The following AGBL1 variants were observed in gnomAD, a reference collection of about 807,000 sequenced individuals.
AGBL1 encodes the protein cytosolic carboxypeptidase 4.
AGBL1 carries 130 observed loss-of-function variants against 118.9 expected under a neutral mutation model. The observed-to-expected ratio is 1.09, with a 90% CI of 0.95 to 1.26. AGBL1 has a LOEUF of 1.26. AGBL1 is among the 50% of genes most tolerant of loss of function. The pLI is 0.00. For synonymous variants in AGBL1, 555 were observed against 478.9 expected, an observed-to-expected ratio of 1.16 and a Z score of -2.08; for missense variants, 1,584 against 1,298.1, an observed-to-expected ratio of 1.22 and a Z score of -3.38.
chr15:86,866,789 T>A (rs528199337), intron 22 of AGBL1, among the ~76,000 whole-genome samples: 24 of 152,112 alleles, frequency 1.6e-4, no homozygotes, highest in Non-Finnish European at 2.8e-4. Flanking sequence ...GAGGCAGAGG[T>A]TGCAGTGAGC....
intron 17 of AGBL1, among the ~76,000 whole-genome samples, chr15:86,326,301 C>G (rs1047003728): frequency 1.3e-5 from 2 of 152,132 alleles, no homozygotes; most frequent in African/African-American, 4.8e-5. Context: ...ACTTATCAGT[C>G]TACACTAGCC....
rs2142735865 is a variant in AGBL1, at chr15:86,726,181, C to G, written c.3158+51745C>G. ...ATAAACAAAGCCCTGAGATGCTTAT[C>G]AAATTCTGCTTTACCTAGCAAAAAA... On this transcript the variant is annotated intron_variant, in intron 22 of 22. Transcript: ENST00000614907. 2.6e-5 allele frequency among the ~76,000 whole-genome samples: 4 copies of G among 152,306 alleles called. No homozygotes were observed. The Middle Eastern group carries it at 0.01, about 389-fold the overall frequency.
intron 21 of AGBL1, among the ~76,000 whole-genome samples, chr15:86,584,855 C>CTTTCAGCAG: frequency 6.6e-6 from 1 of 152,256 alleles, no homozygotes; most frequent in East Asian, 1.9e-4. Context: ...TCTGTGATTT[C>CTTTCAGCAG]TTTCAGCAGT....
intron 22 of AGBL1, among the ~76,000 whole-genome samples, chr15:86,880,792 C>T (rs767515868): frequency 4.6e-5 from 7 of 151,656 alleles, no homozygotes; most frequent in Non-Finnish European, 8.8e-5. Flanking sequence ...TGTGTGTGCA[C>T]GTGTGTGTGT....
chr15:86,771,814 G>T (rs2078186354), intron 22 of AGBL1, among the ~76,000 whole-genome samples: 1 of 152,034 alleles, frequency 6.6e-6, no homozygotes, highest in Admixed American at 6.6e-5. Flanking sequence ...TCTCTTAGCT[G>T]CTGGAAGCCA....
At chr15:86,704,561 C>T (rs367720287) in intron 22 of AGBL1, among the ~76,000 whole-genome samples, 8 of 152,026 alleles carry the variant, frequency 5.3e-5, no homozygotes, top group Admixed American at 1.3e-4. Context: ...ATTAGAGAAA[C>T]GCAAATCAAA....
At chr15:86,189,682 C>T (rs955106250) in intron 5 of AGBL1, among the ~76,000 whole-genome samples, 3 of 152,162 alleles carry the variant, frequency 2.0e-5, no homozygotes, top group Non-Finnish European at 4.4e-5. Flanking sequence ...TCCCCTTCAC[C>T]TCTGCCATGA....
chr15:86,807,923 A>T (rs1017433254), intron 22 of AGBL1, among the ~76,000 whole-genome samples: 4 of 152,108 alleles, frequency 2.6e-5, no homozygotes, highest in African/African-American at 9.7e-5. Context: ...GAGGCATCAG[A>T]GTGTGAATAT....
chr15:86,598,133 C>A (rs757084974), intron 21 of AGBL1, among the ~76,000 whole-genome samples: 30 of 152,014 alleles, frequency 2.0e-4, no homozygotes, highest in Non-Finnish European at 3.7e-4. Flanking sequence ...TCAGAGAAGG[C>A]CATGGTTTCA....
At chr15:86,213,301 A>G (rs942246708) in intron 5 of AGBL1, among the ~76,000 whole-genome samples, 2 of 152,190 alleles carry the variant, frequency 1.3e-5, no homozygotes, top group Non-Finnish European at 2.9e-5. Flanking sequence ...CTGAAATAAA[A>G]ATGGCTTAGC....
intron 17 of AGBL1, among the ~76,000 whole-genome samples, chr15:86,395,239 G>C (rs147241470): frequency 8.7e-4 from 133 of 152,030 alleles, no homozygotes; most frequent in African/African-American, 3.0e-3. Flanking sequence ...ATCATCTCTA[G>C]CCCTTTGCTT....
chr15:86,921,028 C>T (rs2141619399), downstream of AGBL1, among the ~76,000 whole-genome samples: 2 of 152,300 alleles, frequency 1.3e-5, no homozygotes, highest in South Asian at 4.1e-4. Context: ...ACACTTAGAC[C>T]TGACCTCCCC....
At chr15:86,465,985 G>A (rs118176519) in intron 18 of AGBL1, among the ~76,000 whole-genome samples, 6,251 of 152,132 alleles carry the variant, frequency 0.041, 183 homozygotes, top group East Asian at 0.092. Flanking sequence ...TGTAGCTCAG[G>A]GGGCATCACG....
intron 21 of AGBL1, among the ~76,000 whole-genome samples, chr15:86,627,814 A>T (rs1212497784): frequency 6.6e-6 from 1 of 152,170 alleles, no homozygotes; most frequent in Non-Finnish European, 1.5e-5. Context: ...GATTGAGACA[A>T]AGCCTTTGGA....
At chr15:87,019,658 C>T (rs939556791) in intron 24 of AGBL1, among the ~76,000 whole-genome samples, 1 of 151,916 alleles carries the variant, frequency 6.6e-6, no homozygotes, top group African/African-American at 2.4e-5. Context: ...TAAATGCCCA[C>T]ATTAAAAAAC....
chr15:86,332,645 CAA>C (rs60036454), intron 17 of AGBL1, among the ~76,000 whole-genome samples: 136 of 88,982 alleles, frequency 1.5e-3, no homozygotes, highest in South Asian at 4.3e-3. Flanking sequence ...GACTCCATCT[CAA>C]AAAAAAAAAA....
chr15:86,534,924 T>C (rs1051119996), intron 19 of AGBL1, among the ~76,000 whole-genome samples: 5 of 152,150 alleles, frequency 3.3e-5, no homozygotes, highest in African/African-American at 1.2e-4. Context: ...GGGAACTTTA[T>C]AGGTTAGCAG....
chr15:86,641,463 C>T lies in AGBL1; in HGVS notation c.2995-32810C>T, dbSNP rs535825109. Among the ~76,000 whole-genome samples the T allele has an allele frequency of 3.7e-4, 56 of 151,658 alleles. No homozygotes were observed. The South Asian group carries it at 6.9e-3, about 19-fold the overall frequency. ...TACCTGGCAGCCCCCATGAGAACTCCCTAGTCACACAATTCTCCTTTATTT... is the reference window on the plus strand; with the variant it reads ...TACCTGGCAGCCCCCATGAGAACTCTCTAGTCACACAATTCTCCTTTATTT... On this transcript the variant is annotated intron_variant, in intron 21 of 22. Coordinates refer to ENST00000614907, the MANE Select transcript of AGBL1 (RefSeq NM_001386094.1).
chr15:86,315,491 G>A (rs764700160), intron 17 of AGBL1, among the ~76,000 whole-genome samples: 4 of 151,984 alleles, frequency 2.6e-5, no homozygotes, highest in Middle Eastern at 3.2e-3. Flanking sequence ...CAAGGCAGGC[G>A]GATCACGAGG....
Sources: allele counts gnomAD v4.1 joint callset (sites outside exome capture counted in the v4.1 genomes callset), GRCh38; gene constraint gnomAD v4.1.1; transcripts MANE v1.5; gene names NCBI Gene and HGNC (gene_info 2026-07-23, HGNC 2026-07-21).